The following NHSL1 variants were observed in gnomAD, a reference collection of about 807,000 sequenced individuals.
NHSL1 encodes NHS-like protein 1.
A neutral mutation model predicts 95.0 loss-of-function variants in NHSL1; 48 were observed. The observed-to-expected ratio is 0.51, with a 90% CI of 0.40 to 0.64. The LOEUF is 0.64. Ranked by LOEUF, NHSL1 falls within the 30% of genes least tolerant of loss-of-function variation. The pLI is 0.00. For missense variants in NHSL1, 1,971 were observed against 2,077.7 expected, an observed-to-expected ratio of 0.95 and a Z score of 1.00; for synonymous variants, 783 against 833.9, an observed-to-expected ratio of 0.94 and a Z score of 1.05.
In NHSL1 at chr6:138,432,951, T is replaced by A; in HGVS notation, c.1394A>T (p.Gln465Leu). The A allele has an allele frequency of 1.3e-6, 2 of 1,551,426 alleles. No homozygotes were observed. Among genetic ancestry groups the A allele is most frequent in the African/African-American group, 2.7e-5 (2 of 73,160 alleles). ...ISRHAVKGDP[Q>L]SPGRHWNEGH... ...CTCATTCCAGTGGCGACCGGGAGAC[T>A]GAGGATCACCTTTCACAGCATGCCT... Residue 465 changes from glutamine (Q) to leucine (L), a missense_variant, in exon 6 of 8, where the codon CAG (glutamine) becomes CTG (leucine). Physicochemically the swap from Gln to Leu is moderately radical, Grantham distance 113 (BLOSUM62 -2). Around this residue, in one of 3 missense-constraint regions of NHSL1, gnomAD observed 1,602 missense variants for 1,654.5 expected, o/e 0.97. Coordinates refer to ENST00000343505, the MANE Select transcript of NHSL1 (RefSeq NM_001144060.2). This position sits in a 1 kb window ranked among gnomAD's most constrained non-coding sequence, Gnocchi z 4.4.
chr6:138,475,246 G>T (rs1038714357), intron 2 of NHSL1, among the ~76,000 whole-genome samples: 1 of 151,382 alleles, frequency 6.6e-6, no homozygotes, highest in Non-Finnish European at 1.5e-5. Context: ...TTGAGACAGG[G>T]TCTTACTCTG....
At chr6:138,464,082 T>C (rs911828250) in intron 3 of NHSL1, 11 of 449,826 alleles carry the variant, frequency 2.4e-5, no homozygotes, top group Middle Eastern at 6.6e-4. Flanking sequence ...AGCAAGATGG[T>C]GGCCGCGCAC....
chr6:138,683,130 G>T (rs973086791), intron 1 of NHSL1, among the ~76,000 whole-genome samples: 1 of 152,130 alleles, frequency 6.6e-6, no homozygotes, highest in South Asian at 2.1e-4. Flanking sequence ...CCATAAAAAG[G>T]CCCCGGAAAC....
At chr6:138,447,496 C>T (rs528760820) in intron 3 of NHSL1, among the ~76,000 whole-genome samples, 2 of 152,156 alleles carry the variant, frequency 1.3e-5, no homozygotes, top group Admixed American at 6.5e-5. Flanking sequence ...ATGGAATGGC[C>T]GGCGTGGTGG....
At chr6:138,537,374 C>T (rs1275978842) in intron 1 of NHSL1, among the ~76,000 whole-genome samples, 5 of 152,186 alleles carry the variant, frequency 3.3e-5, no homozygotes, top group African/African-American at 1.2e-4. Context: ...ATTTATACAA[C>T]TGTGTAGGTC....
At position 138,631,153 on chromosome 6, in the gene NHSL1, G is replaced by A. The variant is rs570827836; in HGVS notation, c.96+61323C>T. On this transcript the variant is annotated intron_variant, in intron 1 of 3. Transcript: ENST00000491526. ...CCAAACTCAGCTGACGCCCGCCCAC[G>A]CAGGGAGCATTTAAACCAACTCTAG... is the stretch of plus-strand genomic sequence containing the variant. Among the ~76,000 whole-genome samples the A allele has an allele frequency of 8.5e-5, 13 of 152,274 alleles. No individual in the cohort carries two copies. In the East Asian group the frequency reaches 1.4e-3, roughly 16 times the overall value.
chr6:138,563,053 T>C (rs1211129214), intron 1 of NHSL1, among the ~76,000 whole-genome samples: 1 of 152,202 alleles, frequency 6.6e-6, no homozygotes, highest in African/African-American at 2.4e-5. Context: ...GTGCTTTCAA[T>C]GTCATTTCTC....
intron 1 of NHSL1, chr6:138,650,349 G>A: frequency 1.9e-6 from 2 of 1,076,298 alleles, no homozygotes; most frequent in South Asian, 2.5e-5. Context: ...GGAGTAACGG[G>A]GGAGCCCAGC....
At chr6:138,435,665 C>A (rs548321307) in intron 5 of NHSL1, among the ~76,000 whole-genome samples, 1 of 151,250 alleles carries the variant, frequency 6.6e-6, no homozygotes, top group African/African-American at 2.4e-5. Context: ...TAGATGCATA[C>A]GTCGTTTTAC....
At position 138,444,272 on chromosome 6, in the gene NHSL1, T is replaced by TAA. The variant is rs760962634; in HGVS notation, c.533-2160_533-2159dup. On this transcript the variant is annotated intron_variant, in intron 4 of 7. Transcript: ENST00000343505. Reference sequence around the variant, plus strand: ...ATTGCTCAATTAAACTCTTTTAAATTAAAAAAAAAAAAAGAAATAAACTTG... The same window carrying TAA: ...ATTGCTCAATTAAACTCTTTTAAATTAAAAAAAAAAAAAAAGAAATAAACTTG... 4.1e-3 allele frequency among the ~76,000 whole-genome samples: 570 copies of TAA among 140,120 alleles called. 4 individuals carry two copies. The highest frequency in any genetic ancestry group is 0.013 in the African/African-American group (514 of 38,088). 91.9% of individuals were successfully genotyped at this position (140,120 alleles called of 152,430 possible). A position where few individuals can be genotyped will look rare whatever the true frequency, so the allele number is the denominator to read the frequency against.
intron 1 of NHSL1, among the ~76,000 whole-genome samples, chr6:138,647,897 G>A (rs944279878): frequency 1.3e-5 from 2 of 152,242 alleles, no homozygotes; most frequent in Non-Finnish European, 2.9e-5. Context: ...CTGCACCGGT[G>A]TCTAATTTTC....
At chr6:138,630,708 T>C (rs1784808373) in intron 1 of NHSL1, among the ~76,000 whole-genome samples, 1 of 152,178 alleles carries the variant, frequency 6.6e-6, no homozygotes, top group African/African-American at 2.4e-5. Flanking sequence ...TTATAATCAA[T>C]TTCATTTTAG....
At chr6:138,460,821 C>A (rs1777947296) in intron 3 of NHSL1, among the ~76,000 whole-genome samples, 1 of 151,282 alleles carries the variant, frequency 6.6e-6, no homozygotes, top group Non-Finnish European at 1.5e-5. Context: ...TGTGAGCGCA[C>A]CTCAGCCTCC....
At chr6:138,469,462 G>A (rs57423747) in intron 3 of NHSL1, among the ~76,000 whole-genome samples, 9,371 of 152,186 alleles carry the variant, frequency 0.062, 938 homozygotes, top group African/African-American at 0.21. Context: ...GATGACTCAC[G>A]CCTGTAAGCC....
intron 1 of NHSL1, among the ~76,000 whole-genome samples, chr6:138,529,159 C>T (rs987132004): frequency 6.6e-6 from 1 of 152,172 alleles, no homozygotes; most frequent in Non-Finnish European, 1.5e-5. Flanking sequence ...CACTCCGGAG[C>T]TTGCACTGGG....
intron 1 of NHSL1, among the ~76,000 whole-genome samples, chr6:138,618,306 G>T (rs1784608458): frequency 6.6e-6 from 1 of 152,134 alleles, no homozygotes; most frequent in Admixed American, 6.6e-5. Flanking sequence ...GCACAGATGT[G>T]TATATTTTCA....
At chr6:138,549,423 G>C (rs1439553513), upstream of NHSL1, among the ~76,000 whole-genome samples, 1 of 152,146 alleles carries the variant, frequency 6.6e-6, no homozygotes, top group Admixed American at 6.5e-5. Flanking sequence ...CAGAGACACA[G>C]TGAAGGTCAT....
chr6:138,681,542 C>T (rs1338069409), intron 1 of NHSL1, among the ~76,000 whole-genome samples: 2 of 152,194 alleles, frequency 1.3e-5, no homozygotes, highest in Admixed American at 6.5e-5. Flanking sequence ...AGCTAATGAG[C>T]ACACCTGGAA....
At chr6:138,565,003 G>C (rs986448256) in intron 1 of NHSL1, among the ~76,000 whole-genome samples, 3 of 152,158 alleles carry the variant, frequency 2.0e-5, no homozygotes, top group Non-Finnish European at 2.9e-5. Context: ...GGAGAGGACG[G>C]AGGCAGATCC....
Sources: gnomAD v4.1 joint callset for allele counts (sites outside exome capture counted in the v4.1 genomes callset) on GRCh38, gnomAD v4.1.1 for gene constraint, gnomAD v4.1.1 regional missense constraint, Gnocchi (gnomAD v3.1) non-coding constraint, MANE v1.5 for transcripts, NCBI Gene and HGNC (gene_info 2026-07-23, HGNC 2026-07-21) for gene names.